The following TMEM116 variants were observed in gnomAD, a reference collection of about 807,000 sequenced individuals.
TMEM116 encodes transmembrane protein 116.
Under a neutral mutation model 44.3 loss-of-function variants are expected in TMEM116, and 38 were observed. The observed-to-expected ratio is 0.86, with a 90% confidence interval of 0.66 to 1.12. The LOEUF is 1.12. Ranked by LOEUF, TMEM116 falls within the 50% of genes most tolerant of loss-of-function variation. The probability of loss-of-function intolerance (pLI) is 0.00; values close to 1 mark genes in which losing one functional copy is unlikely to be tolerated. For missense variants in TMEM116, 354 were observed against 401.7 expected, an observed-to-expected ratio of 0.88 and a Z score of 1.01; for synonymous variants, 132 against 144.8, an observed-to-expected ratio of 0.91 and a Z score of 0.64.
intron 4 of TMEM116, among the ~76,000 whole-genome samples, chr12:111,977,262 T>G (rs528490896): frequency 6.6e-6 from 1 of 152,254 alleles, no homozygotes; most frequent in South Asian, 2.1e-4. Context: ...GGGATAAGAA[T>G]TATACTGTAC....
chr12:111,936,981 G>T, intron 7 of TMEM116, 151 bp from the exon 8 acceptor site: 1 of 1,029,260 alleles, frequency 9.7e-7, no homozygotes, highest in Non-Finnish European at 1.4e-6. Context: ...TTATCTTGTA[G>T]TCATTTTGTG....
chr12:111,974,614 C>T (rs1432624727), intron 4 of TMEM116, among the ~76,000 whole-genome samples: 10 of 148,874 alleles, frequency 6.7e-5, no homozygotes, highest in South Asian at 4.3e-4. Context: ...GAGATCGCAC[C>T]GCTGCACTCC....
chr12:111,950,965 G>A (rs2073692212), intron 4 of TMEM116, among the ~76,000 whole-genome samples: 2 of 152,028 alleles, frequency 1.3e-5, no homozygotes, highest in African/African-American at 4.8e-5. Context: ...GCATTTATAA[G>A]GAACTTAAAA....
chr12:111,944,498 A>C (rs533448276), intron 4 of TMEM116, among the ~76,000 whole-genome samples: 1 of 152,094 alleles, frequency 6.6e-6, no homozygotes. Context: ...TCTACTATAA[A>C]TACAAAAATT....
chr12:111,947,169 A>G (rs1004013865), intron 4 of TMEM116, among the ~76,000 whole-genome samples: 2 of 151,434 alleles, frequency 1.3e-5, no homozygotes, highest in African/African-American at 4.8e-5. Context: ...TTGCTTTTAA[A>G]GACTTTTTTT....
chr12:111,989,346 G>A (rs1183610478), intron 4 of TMEM116, among the ~76,000 whole-genome samples: 2 of 152,148 alleles, frequency 1.3e-5, no homozygotes, highest in African/African-American at 4.8e-5. Flanking sequence ...AAGTATGGAG[G>A]GAATTCTAGA....
chr12:111,934,202 T>C, intron 8 of TMEM116, 172 bp from the exon 9 acceptor site: 1 of 754,756 alleles, frequency 1.3e-6, no homozygotes, highest in Non-Finnish European at 2.0e-6. Context: ...AAAATTACCT[T>C]CAGAGTGAAC....
At chr12:111,986,485 C>T (rs1278587396) in intron 4 of TMEM116, among the ~76,000 whole-genome samples, 1 of 151,960 alleles carries the variant, frequency 6.6e-6, no homozygotes, top group Non-Finnish European at 1.5e-5. Context: ...ACAAGGGTGC[C>T]AAGATCATTT....
At chr12:111,946,138 G>A (rs899561003) in intron 4 of TMEM116, among the ~76,000 whole-genome samples, 3 of 152,070 alleles carry the variant, frequency 2.0e-5, no homozygotes, top group African/African-American at 7.2e-5. Flanking sequence ...TTCTTGATTT[G>A]TCAAAATTGT....
chr12:112,007,351 T>G (rs1005926595), intron 1 of TMEM116, among the ~76,000 whole-genome samples: 2 of 150,528 alleles, frequency 1.3e-5, no homozygotes, highest in Non-Finnish European at 3.0e-5. Flanking sequence ...GAGGCGGAGG[T>G]TGCAATGAGC....
chr12:111,971,320 G>A (rs1291586609), intron 4 of TMEM116, among the ~76,000 whole-genome samples: 2 of 152,052 alleles, frequency 1.3e-5, no homozygotes, highest in Middle Eastern at 3.2e-3. Context: ...TGGATTGTGG[G>A]TTTTAAAACA....
At chr12:111,957,816 G>A (rs1021820377) in intron 4 of TMEM116, among the ~76,000 whole-genome samples, 15 of 152,222 alleles carry the variant, frequency 9.9e-5, no homozygotes, top group African/African-American at 2.9e-4. Context: ...TGACAATGGC[G>A]GTTTTGTTGA....
intron 4 of TMEM116, among the ~76,000 whole-genome samples, chr12:111,960,042 T>C (rs1418934508): frequency 2.0e-5 from 3 of 152,192 alleles, no homozygotes; most frequent in Non-Finnish European, 4.4e-5. Flanking sequence ...ATCAACAGAA[T>C]ATACATTCTT....
intron 4 of TMEM116, among the ~76,000 whole-genome samples, chr12:111,978,115 A>AG (rs1237798311): frequency 6.6e-5 from 10 of 150,984 alleles, no homozygotes; most frequent in Non-Finnish European, 1.5e-4. Context: ...AAAAAAAAAA[A>AG]GGCCCAGCTA....
At chr12:111,972,623 A>G (rs1385345689) in intron 4 of TMEM116, among the ~76,000 whole-genome samples, 1 of 152,228 alleles carries the variant, frequency 6.6e-6, no homozygotes, top group African/African-American at 2.4e-5. Context: ...TCATGCCTAT[A>G]ATCCCAGCAC....
At chr12:111,971,750 G>A (rs1052135201) in intron 4 of TMEM116, among the ~76,000 whole-genome samples, 1 of 151,952 alleles carries the variant, frequency 6.6e-6, no homozygotes, top group Non-Finnish European at 1.5e-5. Context: ...CACAAGAAGT[G>A]TACTTTATAC....
intron 4 of TMEM116, among the ~76,000 whole-genome samples, chr12:111,966,120 A>G (rs992748589): frequency 6.6e-6 from 1 of 152,158 alleles, no homozygotes; most frequent in African/African-American, 2.4e-5. Flanking sequence ...AGTCTGGCCA[A>G]CGTGGCAAAA....
intron 4 of TMEM116, among the ~76,000 whole-genome samples, chr12:111,991,391 G>C (rs928694816): frequency 5.3e-5 from 8 of 151,190 alleles, no homozygotes; most frequent in Admixed American, 1.3e-4. Flanking sequence ...GGGCGCGGTG[G>C]TGGGCGCCTG....
intron 4 of TMEM116, among the ~76,000 whole-genome samples, chr12:111,987,763 G>C (rs1045317453): frequency 4.6e-5 from 7 of 152,158 alleles, no homozygotes; most frequent in Non-Finnish European, 7.4e-5. Context: ...GGAAAACATG[G>C]TGTTTCCTCA....
Sources: gnomAD v4.1 joint callset for allele counts (sites outside exome capture counted in the v4.1 genomes callset) on GRCh38, gnomAD v4.1.1 for gene constraint, MANE v1.5 for transcripts, NCBI Gene and HGNC (gene_info 2026-07-23, HGNC 2026-07-21) for gene names.